Variants in PLLP observed in about 807,000 individuals in gnomAD.
The protein encoded by PLLP is plasma membrane proteolipid (plasmolipin).
PLLP carries 15 observed loss-of-function variants against 19.7 expected under a neutral mutation model. The observed-to-expected ratio is 0.76, with a 90% CI of 0.51 to 1.17. The LOEUF (loss-of-function observed/expected upper bound fraction) is 1.17. PLLP is among the 50% of genes most tolerant of loss of function. PLLP has a pLI of 0.00. For synonymous variants in PLLP, 111 were observed against 116.3 expected, an observed-to-expected ratio of 0.95 and a Z score of 0.29; for missense variants, 255 against 258.3, an observed-to-expected ratio of 0.99 and a Z score of 0.09.
chr16:57,276,630 A>G (rs1284456609), intron 1 of PLLP, among the ~76,000 whole-genome samples: 10 of 151,942 alleles, frequency 6.6e-5, no homozygotes, highest in Non-Finnish European at 1.5e-4. Context: ...AATGAAAATA[A>G]CACTACATTG....
intron 1 of PLLP, among the ~76,000 whole-genome samples, chr16:57,267,188 T>C (rs943579475): frequency 6.6e-6 from 1 of 152,188 alleles, no homozygotes; most frequent in Non-Finnish European, 1.5e-5. Context: ...GGGAAGTTTT[T>C]CCTCATCTCT....
chr16:57,257,311 G>A (rs1417525325), intron 3 of PLLP, among the ~76,000 whole-genome samples: 1 of 152,222 alleles, frequency 6.6e-6, no homozygotes, highest in Admixed American at 6.5e-5. Flanking sequence ...GGGACACCTA[G>A]CAAGGATTTA....
At chr16:57,279,492 A>G (rs1901192181) in intron 1 of PLLP, among the ~76,000 whole-genome samples, 1 of 151,382 alleles carries the variant, frequency 6.6e-6, no homozygotes, top group Non-Finnish European at 1.5e-5. Flanking sequence ...GGGTAACATG[A>G]TGAAATCCCA....
At chr16:57,265,140 G>A (rs2075453179) in intron 1 of PLLP, among the ~76,000 whole-genome samples, 1 of 152,256 alleles carries the variant, frequency 6.6e-6, no homozygotes, top group South Asian at 2.1e-4. Context: ...AAGCAGGCCA[G>A]GTGAGGGTAG....
At chr16:57,284,257 T>C in intron 1 of PLLP, 149 bp downstream of exon 1, 1 of 698,962 alleles carries the variant, frequency 1.4e-6, no homozygotes, top group South Asian at 3.3e-5. Context: ...GGAAGCGCCC[T>C]AGGGGTACGC....
intron 1 of PLLP, among the ~76,000 whole-genome samples, chr16:57,268,968 G>A (rs1233187061): frequency 6.6e-6 from 1 of 152,212 alleles, no homozygotes; most frequent in Non-Finnish European, 1.5e-5. Flanking sequence ...CACAGCCCAG[G>A]CAGAGATAAG....
At position 57,256,812 on chromosome 16, in the gene PLLP, C is replaced by T. The variant is rs1165404462; in HGVS notation, c.*101G>A. The T allele has an allele frequency of 4.0e-6, 3 of 758,890 alleles. No individual in the cohort carries two copies. The African/African-American group carries it at 5.1e-5, about 13-fold the overall frequency. 47.0% of individuals were successfully genotyped at this position (758,890 alleles called of 1,614,324 possible). On this transcript the variant is annotated 3_prime_UTR_variant, in exon 4 of 4. Transcript: ENST00000219207. ...AGGAGCAAATGCAGTCCCTGTTGGG[C>T]TGACTCCACGCAGGGCTCCCCAGCT...
intron 2 of PLLP, among the ~76,000 whole-genome samples, chr16:57,261,477 G>A (rs1487830555): frequency 1.3e-5 from 2 of 152,120 alleles, no homozygotes; most frequent in African/African-American, 2.4e-5. Flanking sequence ...AGAATTTTGG[G>A]AGGCCAAAGT....
intron 1 of PLLP, among the ~76,000 whole-genome samples, chr16:57,266,422 GCC>G (rs2075457540): frequency 1.3e-5 from 2 of 152,180 alleles, no homozygotes; most frequent in Admixed American, 1.3e-4. Context: ...TGGTTCCTGA[GCC>G]CCCAGCCCAG....
At chr16:57,267,810 G>A (rs1460511964) in intron 1 of PLLP, among the ~76,000 whole-genome samples, 2 of 151,070 alleles carry the variant, frequency 1.3e-5, no homozygotes, top group Non-Finnish European at 2.9e-5. Context: ...AGGAGACAGA[G>A]GTTGCAGTGA....
intron 1 of PLLP, among the ~76,000 whole-genome samples, chr16:57,281,368 T>C (rs1041326623): frequency 4.5e-4 from 69 of 152,298 alleles, no homozygotes; most frequent in African/African-American, 1.6e-3. Flanking sequence ...GCTGGCCTGA[T>C]AGATGGGAGC....
intron 1 of PLLP, among the ~76,000 whole-genome samples, chr16:57,268,492 T>G (rs2075464728): frequency 6.6e-6 from 1 of 152,170 alleles, no homozygotes. Flanking sequence ...AGGGTGGTTT[T>G]GTTTTGTTTT....
chr16:57,259,073 A>T (rs7202498), intron 2 of PLLP, among the ~76,000 whole-genome samples: 3 of 152,020 alleles, frequency 2.0e-5, no homozygotes, highest in African/African-American at 7.3e-5. Context: ...GTTTCCAGGG[A>T]GTCAGCCCAT....
chr16:57,262,188 A>T, intron 1 of PLLP, 118 bp from the exon 2 acceptor site: 1 of 928,970 alleles, frequency 1.1e-6, no homozygotes, highest in Non-Finnish European at 1.7e-6. Flanking sequence ...TTGGGAGCCC[A>T]AGGTGTAATA....
At chr16:57,268,432 C>T (rs2075464511) in intron 1 of PLLP, among the ~76,000 whole-genome samples, 1 of 152,204 alleles carries the variant, frequency 6.6e-6, no homozygotes, top group Non-Finnish European at 1.5e-5. Context: ...CTTAGCCTCT[C>T]TGTGCCCTTG....
chr16:57,267,952 T>C (rs1203719498), intron 1 of PLLP, among the ~76,000 whole-genome samples: 2 of 141,066 alleles, frequency 1.4e-5, no homozygotes, highest in Non-Finnish European at 3.1e-5. Context: ...TTAAGGGGGG[T>C]TATACTGGAT....
Position 57,272,239 on chromosome 16 carries a change from G to A in PLLP, c.136-10169C>T, listed in dbSNP as rs997598865. Among the ~76,000 whole-genome samples the A allele has an allele frequency of 3.3e-5, 5 of 152,208 alleles. No individual in the cohort carries two copies. In the East Asian group the frequency reaches 7.7e-4, roughly 23 times the overall value. On this transcript the variant is annotated intron_variant, in intron 1 of 3. Coordinates refer to ENST00000219207, the MANE Select transcript of PLLP (RefSeq NM_015993.3). ...CAAGGTCATGCCTGGTAAGGGTTGGGACCTGGATAGTTCTGTGGCCCAGGC... is the reference window on the plus strand; with the variant it reads ...CAAGGTCATGCCTGGTAAGGGTTGGAACCTGGATAGTTCTGTGGCCCAGGC...
intron 1 of PLLP, among the ~76,000 whole-genome samples, chr16:57,270,311 T>C (rs1305033705): frequency 2.9e-5 from 2 of 69,298 alleles, no homozygotes; most frequent in Non-Finnish European, 5.4e-5. Context: ...CCCCAGCCCC[T>C]GAGTCCATCC....
At chr16:57,258,320 G>A (rs1014485963) in intron 3 of PLLP, 142 bp downstream of exon 3, 26 of 742,566 alleles carry the variant, frequency 3.5e-5, no homozygotes, top group African/African-American at 3.3e-4. Context: ...GAGGCGGCCC[G>A]GCTCCCCTCT....
Sources: allele counts gnomAD v4.1 joint callset (sites outside exome capture counted in the v4.1 genomes callset), GRCh38; gene constraint gnomAD v4.1.1; transcripts MANE v1.5; gene names NCBI Gene and HGNC (gene_info 2026-07-23, HGNC 2026-07-21).